Variants in PTPRD observed in about 807,000 individuals in gnomAD.
PTPRD encodes receptor-type tyrosine-protein phosphatase delta.
A neutral mutation model predicts 214.5 loss-of-function variants in PTPRD; 34 were observed. The observed-to-expected ratio is 0.16, with a 90% CI of 0.12 to 0.21. The LOEUF is 0.21. Among genes scored for constraint, PTPRD ranks in the 10% least tolerant of loss-of-function variants. The probability of loss-of-function intolerance (pLI) is 1.00; values close to 1 mark genes in which losing one functional copy is unlikely to be tolerated. For synonymous variants in PTPRD, 1,128 were observed against 845.7 expected, an observed-to-expected ratio of 1.33 and a Z score of -5.79; for missense variants, 2,545 against 2,398.7, an observed-to-expected ratio of 1.06 and a Z score of -1.27.
intron 11 of PTPRD, among the ~76,000 whole-genome samples, chr9:8,903,143 A>C (rs10977347): frequency 6.8e-6 from 1 of 146,926 alleles, no homozygotes; most frequent in Non-Finnish European, 1.5e-5. Flanking sequence ...GATCTATCTT[A>C]TTCTTTTTTT....
chr9:9,801,462 C>G (rs1440134553), intron 5 of PTPRD, among the ~76,000 whole-genome samples: 1 of 151,942 alleles, frequency 6.6e-6, no homozygotes, highest in Non-Finnish European at 1.5e-5. Context: ...ATAAAGCAAA[C>G]AAATCTCACT....
At chr9:9,275,119 TTATATATATTATATATA>T (rs1944739873) in intron 9 of PTPRD, among the ~76,000 whole-genome samples, 1 of 53,494 alleles carries the variant, frequency 1.9e-5, no homozygotes, top group Non-Finnish European at 3.3e-5. Context: ...TATATATATA[TTATATATATTATATATA>T]ATATATATAT....
intron 4 of PTPRD, among the ~76,000 whole-genome samples, chr9:10,005,124 AG>A (rs1271446360): frequency 6.6e-6 from 1 of 152,064 alleles, no homozygotes; most frequent in Non-Finnish European, 1.5e-5. Flanking sequence ...TTTATTTTTC[AG>A]CCCATTTAAA....
intron 11 of PTPRD, among the ~76,000 whole-genome samples, chr9:8,843,357 C>G (rs773181544): frequency 1.3e-5 from 2 of 152,178 alleles, no homozygotes; most frequent in Non-Finnish European, 2.9e-5. Context: ...TACATCTTTC[C>G]TGCTAGAGTC....
chr9:10,610,155 G>C (rs1028940917), intron 2 of PTPRD, among the ~76,000 whole-genome samples: 1 of 152,062 alleles, frequency 6.6e-6, no homozygotes, highest in South Asian at 2.1e-4. Context: ...ACAGAGAGCT[G>C]GTGGCCAAAA....
At chr9:9,370,080 A>T (rs2059033203) in intron 9 of PTPRD, among the ~76,000 whole-genome samples, 1 of 152,002 alleles carries the variant, frequency 6.6e-6, no homozygotes, top group Admixed American at 6.6e-5. Flanking sequence ...CTTAGGATTG[A>T]CTTGGCGATG....
At chr9:8,695,780 A>G (rs1424395484) in intron 12 of PTPRD, among the ~76,000 whole-genome samples, 1 of 152,208 alleles carries the variant, frequency 6.6e-6, no homozygotes, top group African/African-American at 2.4e-5. Context: ...GATGCTCCCT[A>G]CTTAAGAAAG....
At chr9:10,562,317 A>C (rs1221850565) in intron 2 of PTPRD, among the ~76,000 whole-genome samples, 1 of 149,394 alleles carries the variant, frequency 6.7e-6, no homozygotes, top group Non-Finnish European at 1.5e-5. Context: ...AATGTAATGA[A>C]ATGTTCGTTA....
At chr9:9,311,067 C>A (rs1958846589) in intron 9 of PTPRD, among the ~76,000 whole-genome samples, 1 of 151,892 alleles carries the variant, frequency 6.6e-6, no homozygotes. Flanking sequence ...GCAATTCAAA[C>A]CCTTCTCTGA....
At chr9:10,260,508 A>G (rs570996443) in intron 3 of PTPRD, among the ~76,000 whole-genome samples, 1 of 152,230 alleles carries the variant, frequency 6.6e-6, no homozygotes, top group East Asian at 1.9e-4. Flanking sequence ...TTTCTCCCTC[A>G]AACCTCAGCA....
intron 33 of PTPRD, among the ~76,000 whole-genome samples, chr9:8,456,036 C>T (rs2096186228): frequency 6.6e-6 from 1 of 152,034 alleles, no homozygotes; most frequent in Non-Finnish European, 1.5e-5. Flanking sequence ...CTCTTGCCAG[C>T]CAAAATAAAG....
intron 11 of PTPRD, among the ~76,000 whole-genome samples, chr9:8,954,880 C>T (rs1043485992): frequency 6.6e-6 from 1 of 151,840 alleles, no homozygotes; most frequent in African/African-American, 2.4e-5. Flanking sequence ...AAAACTATAG[C>T]TTATCTTAAA....
intron 7 of PTPRD, among the ~76,000 whole-genome samples, chr9:9,664,402 T>G (rs1666735008): frequency 6.6e-6 from 1 of 151,656 alleles, no homozygotes; most frequent in East Asian, 1.9e-4. Flanking sequence ...TTCTCATACA[T>G]TAACTACATT....
In PTPRD at chr9:9,730,088, T is replaced by C. The variant is rs568368368; in HGVS notation, c.-287+4445A>G. On this transcript the variant is annotated intron_variant, in intron 7 of 45. Transcript: ENST00000381196. Reference sequence around the variant, plus strand: ...TTTTGAGGGGAGAGTATCTTGTAGATAAAACATCAGAATATTTTTGGTACA... The same window carrying C: ...TTTTGAGGGGAGAGTATCTTGTAGACAAAACATCAGAATATTTTTGGTACA... Among the ~76,000 whole-genome samples the C allele has an allele frequency of 5.9e-5, 9 of 152,238 alleles. No homozygotes were observed. In the East Asian group the frequency reaches 1.4e-3, roughly 23 times the overall value.
chr9:9,578,436 T>C (rs772702124), intron 7 of PTPRD, among the ~76,000 whole-genome samples: 43 of 152,028 alleles, frequency 2.8e-4, no homozygotes, highest in Non-Finnish European at 5.1e-4. Flanking sequence ...AGAATTAGAG[T>C]GCATTACTTC....
intron 2 of PTPRD, among the ~76,000 whole-genome samples, chr9:10,580,587 C>A (rs999466222): frequency 2.0e-5 from 3 of 151,980 alleles, no homozygotes; most frequent in African/African-American, 7.2e-5. Context: ...TGGAATTTGG[C>A]AGTCTAGGTG....
At chr9:9,435,994 T>G (rs1418385821) in intron 8 of PTPRD, among the ~76,000 whole-genome samples, 2 of 152,198 alleles carry the variant, frequency 1.3e-5, no homozygotes, top group Non-Finnish European at 2.9e-5. Context: ...CATTTCTGCC[T>G]GCTCACTTTC....
chr9:8,418,755 G>T (rs2094138663), intron 35 of PTPRD, among the ~76,000 whole-genome samples: 1 of 151,836 alleles, frequency 6.6e-6, no homozygotes, highest in Non-Finnish European at 1.5e-5. Context: ...TAAATTCATA[G>T]ACTTTACAGC....
intron 2 of PTPRD, among the ~76,000 whole-genome samples, chr9:10,361,304 T>C (rs896633976): frequency 6.6e-6 from 1 of 152,180 alleles, no homozygotes; most frequent in African/African-American, 2.4e-5. Context: ...CACTGTATAC[T>C]CATAAGAGAA....
Sources: gnomAD v4.1 joint callset for allele counts (sites outside exome capture counted in the v4.1 genomes callset) on GRCh38, gnomAD v4.1.1 for gene constraint, MANE v1.5 for transcripts, NCBI Gene and HGNC (gene_info 2026-07-23, HGNC 2026-07-21) for gene names.